Variants in ZC3H7B observed in about 807,000 individuals in gnomAD.
The protein encoded by ZC3H7B is zinc finger CCCH domain-containing protein 7B.
In ZC3H7B, 35 loss-of-function variants were observed where a neutral mutation model predicts 116.0. The observed-to-expected ratio is 0.30, with a 90% CI of 0.23 to 0.40. The LOEUF is 0.40. ZC3H7B is among the 10% of genes least tolerant of loss of function. The probability of loss-of-function intolerance (pLI) is 1.00; values close to 1 mark genes in which losing one functional copy is unlikely to be tolerated. For missense variants in ZC3H7B, 1,011 were observed against 1,321.5 expected, an observed-to-expected ratio of 0.77 and a Z score of 3.64; for synonymous variants, 502 against 545.6, an observed-to-expected ratio of 0.92 and a Z score of 1.11.
At chr22:41,307,762 TA>T (rs2145895013) in intron 1 of ZC3H7B, among the ~76,000 whole-genome samples, 1 of 152,266 alleles carries the variant, frequency 6.6e-6, no homozygotes, top group South Asian at 2.1e-4. Context: ...CCCCATCTTG[TA>T]GATGAGGAGC....
intron 1 of ZC3H7B, among the ~76,000 whole-genome samples, chr22:41,306,410 G>C (rs1005151523): frequency 8.8e-6 from 1 of 113,202 alleles, no homozygotes; most frequent in Admixed American, 1.2e-4. Context: ...TTCCACTCTT[G>C]TCGCCCAGGC....
In ZC3H7B at chr22:41,349,523, G is replaced by A. The variant is rs542186119; in HGVS notation, c.1948+222G>A. Among the ~76,000 whole-genome samples the A allele has an allele frequency of 5.9e-5, 9 of 152,196 alleles. No homozygotes were observed. In the South Asian group the frequency reaches 6.2e-4, roughly 11 times the overall value. ...CTGCTCTCAGGGCGCTTCCAGGCTC[G>A]GAGATCTGGGTTTTTCCCTTCGTAG... is the stretch of plus-strand genomic sequence containing the variant. On this transcript the variant is annotated intron_variant, in intron 16 of 22. Transcript: ENST00000352645. This position sits in a 1 kb window ranked among gnomAD's most constrained non-coding sequence, Gnocchi z 4.9.
At chr22:41,350,296 A>T (rs562951428) in intron 16 of ZC3H7B, among the ~76,000 whole-genome samples, 8 of 152,194 alleles carry the variant, frequency 5.3e-5, no homozygotes, top group Non-Finnish European at 1.0e-4. Flanking sequence ...CTGAGCATGT[A>T]AGAGTCTCTA....
rs575363651 is a variant in ZC3H7B, at chr22:41,346,317, G to A, written c.1665+109G>A. The A allele has an allele frequency of 9.6e-5, 120 of 1,255,622 alleles. No individual in the cohort carries two copies. In the South Asian group the frequency reaches 1.5e-3, roughly 16 times the overall value. The allele number at this position is 1,255,622 out of a possible 1,614,324, so 77.8% of individuals were successfully genotyped here. A position where few individuals can be genotyped will look rare whatever the true frequency, so the allele number is the denominator to read the frequency against. The stretch of plus-strand genomic sequence containing the variant: ...AAGTCAGCCCTGGAACCCGTGGGCT[G>A]TGGAGGCCTGGTCTTAGAACCAGTA... On this transcript the variant is annotated intron_variant, in intron 14 of 22. Transcript: ENST00000352645. This position sits in a 1 kb window ranked among gnomAD's most constrained non-coding sequence, Gnocchi z 5.3.
At chr22:41,309,009 T>A (rs976603413) in intron 1 of ZC3H7B, among the ~76,000 whole-genome samples, 1 of 89,350 alleles carries the variant, frequency 1.1e-5, no homozygotes, top group East Asian at 2.2e-4. Context: ...CCCAGTCTGC[T>A]TTTTTTTTTT....
intron 19 of ZC3H7B, 21 bp from the exon 20 acceptor site, chr22:41,355,933 C>T: frequency 1.3e-6 from 2 of 1,599,528 alleles, no homozygotes; most frequent in Non-Finnish European, 1.7e-6. Flanking sequence ...CTCAGAGGAT[C>T]TCCCCACGCC....
chr22:41,358,210 C>A lies in ZC3H7B; in HGVS notation c.*781C>A, dbSNP rs1001170463. The A allele has an allele frequency of 6.6e-6, 1 of 152,146 alleles. No homozygotes were observed. Among genetic ancestry groups the A allele is most frequent in the African/African-American group, 2.4e-5 (1 of 41,382 alleles). 9.4% of individuals were successfully genotyped at this position (152,146 alleles called of 1,614,324 possible). A position where few individuals can be genotyped will look rare whatever the true frequency, so the allele number is the denominator to read the frequency against. On this transcript the variant is annotated 3_prime_UTR_variant, in exon 23 of 23. Coordinates refer to ENST00000352645, the MANE Select transcript of ZC3H7B (RefSeq NM_017590.6). ...GCACAAGGCAGAGCTGGGATGAAAA[C>A]AGGGCTGAAAAGACTCAGGGCCAAT...
chr22:41,309,706 G>A lies in ZC3H7B; in HGVS notation c.-7+7934G>A, dbSNP rs575109814. Among the ~76,000 whole-genome samples the A allele has an allele frequency of 4.6e-5, 7 of 152,184 alleles. No homozygotes were observed. The South Asian group carries it at 8.3e-4, about 18-fold the overall frequency. On this transcript the variant is annotated intron_variant, in intron 1 of 22. Coordinates refer to ENST00000352645, the MANE Select transcript of ZC3H7B (RefSeq NM_017590.6). ...TTTTTACTTGTCGTGTGCATTTCAC[G>A]CTGGTTTATTTGTCTTCCTGCCCAT...
intron 9 of ZC3H7B, among the ~76,000 whole-genome samples, chr22:41,339,541 G>T (rs895656380): frequency 1.3e-5 from 2 of 151,518 alleles, no homozygotes; most frequent in South Asian, 2.1e-4. Flanking sequence ...CCGGAGAATC[G>T]CTTGAACCCG....
At chr22:41,345,029 G>C (rs1404498465) in intron 13 of ZC3H7B, among the ~76,000 whole-genome samples, 1 of 152,004 alleles carries the variant, frequency 6.6e-6, no homozygotes, top group East Asian at 1.9e-4. Flanking sequence ...TGCCCAGCCT[G>C]GTCTTGAAGT....
intron 2 of ZC3H7B, among the ~76,000 whole-genome samples, chr22:41,322,679 C>T (rs145103664): frequency 3.3e-5 from 5 of 152,294 alleles, no homozygotes; most frequent in East Asian, 3.9e-4. Context: ...TGCAATCCTG[C>T]GTTCATCATT....
intron 7 of ZC3H7B, 173 bp downstream of exon 7, chr22:41,332,400 G>C: frequency 1.3e-6 from 1 of 765,954 alleles, no homozygotes; most frequent in Non-Finnish European, 2.1e-6. Context: ...GGCTGCTGTT[G>C]GCAGGGAGTG....
At chr22:41,305,395 A>G (rs1289959950) in intron 1 of ZC3H7B, among the ~76,000 whole-genome samples, 1 of 151,310 alleles carries the variant, frequency 6.6e-6, no homozygotes, top group Non-Finnish European at 1.5e-5. Flanking sequence ...CTGTAATCCT[A>G]GCTACTCAGG....
In ZC3H7B at chr22:41,356,662, G is replaced by A; in HGVS notation, c.2535G>A (p.Trp845Ter). ...GCTCCCAGATGGGCTACCACTGCTG[G>A]CTCTGCGGCAAGAACAGCAACAGCA... ...YADIMMGYHCWLCGKNSNSKK... is the reference protein window; with the variant it reads ...YADIMMGYHC The change falls in exon 22 of 23, where the codon TGG becomes TGA. Residue 845 changes from tryptophan (W) to a stop codon, truncating the protein, a stop_gained. Transcript: ENST00000352645. LOFTEE classifies it high-confidence loss of function. 1 of 1,613,582 alleles carries A rather than the reference G, an allele frequency of 6.2e-7. No individual in the cohort carries two copies. Among genetic ancestry groups the A allele is most frequent in the Non-Finnish European group, 8.5e-7 (1 of 1,180,004 alleles).
intron 4 of ZC3H7B, 43 bp downstream of exon 4, chr22:41,325,961 A>T: frequency 6.4e-7 from 1 of 1,559,094 alleles, no homozygotes; most frequent in Non-Finnish European, 8.7e-7. Flanking sequence ...TGCTGCCCTG[A>T]TCCCCTGGAT....
chr22:41,346,761 A>G lies in ZC3H7B; in HGVS notation c.1665+553A>G, dbSNP rs1216370836. On this transcript the variant is annotated intron_variant, in intron 14 of 22. Coordinates refer to ENST00000352645, the MANE Select transcript of ZC3H7B (RefSeq NM_017590.6). This position sits in a 1 kb window ranked among gnomAD's most constrained non-coding sequence, Gnocchi z 5.3. ...AACTGGGGAGGCAAAGGTTGCAGTG[A>G]GCCGAGATCGCGCAACTGCACTAGA... Among the ~76,000 whole-genome samples the G allele has an allele frequency of 6.6e-6, 1 of 152,110 alleles. No homozygotes were observed. The highest frequency in any genetic ancestry group is 1.5e-5 in the Non-Finnish European group (1 of 68,012).
chr22:41,325,982 G>A, intron 4 of ZC3H7B, 64 bp downstream of exon 4: 1 of 1,530,726 alleles, frequency 6.5e-7, no homozygotes, highest in Non-Finnish European at 8.8e-7. Context: ...GCCCAGTCGA[G>A]CCAGGCCCAT....
At chr22:41,318,299 G>T (rs2036209275) in intron 1 of ZC3H7B, among the ~76,000 whole-genome samples, 1 of 152,074 alleles carries the variant, frequency 6.6e-6, no homozygotes, top group African/African-American at 2.4e-5. Flanking sequence ...GGAGGCCGAG[G>T]CGGGCAGATC....
chr22:41,340,052 G>T lies in ZC3H7B; in HGVS notation c.1053G>T (p.Leu351=), dbSNP rs766129274. 1 of 1,611,778 alleles carries T rather than the reference G, an allele frequency of 6.2e-7. No individual in the cohort carries two copies. Among genetic ancestry groups the T allele is most frequent in the Non-Finnish European group, 8.5e-7 (1 of 1,179,986 alleles). The part of the protein sequence containing the change: ...PPGPTLDPLD[L]LPYSETRLDA... ...GCCCCACGCTGGACCCCCTGGACCT[G>T]CTGCCGTACTCGGAGACCCGGCTGG... Residue 351 remains leucine, a synonymous_variant, in exon 10 of 23, where the codon CTG becomes CTT. Coordinates refer to ENST00000352645, the MANE Select transcript of ZC3H7B (RefSeq NM_017590.6).
Sources: gnomAD v4.1 joint callset for allele counts (sites outside exome capture counted in the v4.1 genomes callset) on GRCh38, gnomAD v4.1.1 for gene constraint, Gnocchi (gnomAD v3.1) non-coding constraint, MANE v1.5 for transcripts, NCBI Gene and HGNC (gene_info 2026-07-23, HGNC 2026-07-21) for gene names.